PREX2: variants seen among roughly 807,000 people sequenced by gnomAD.
PREX2 encodes the protein phosphatidylinositol 3,4,5-trisphosphate-dependent Rac exchanger 2 protein.
Under a neutral mutation model 203.2 loss-of-function variants are expected in PREX2, and 107 were observed. The observed-to-expected ratio is 0.53, with a 90% confidence interval of 0.45 to 0.62. PREX2 has a LOEUF of 0.62. Among genes scored for constraint, PREX2 ranks in the 20% least tolerant of loss-of-function variants. The pLI, the probability that PREX2 is intolerant of heterozygous loss-of-function variation, is 0.00. For missense variants in PREX2, 1,777 were observed against 1,955.9 expected, an observed-to-expected ratio of 0.91 and a Z score of 1.72; for synonymous variants, 672 against 663.6, an observed-to-expected ratio of 1.01 and a Z score of -0.19.
intron 8 of PREX2, among the ~76,000 whole-genome samples, chr8:68,045,032 A>G (rs1480866211): frequency 6.6e-6 from 1 of 152,128 alleles, no homozygotes; most frequent in African/African-American, 2.4e-5. Flanking sequence ...ACAGGTTGTC[A>G]ATTTTCTTGT....
chr8:68,020,421 A>G (rs1291691895), intron 3 of PREX2, among the ~76,000 whole-genome samples: 1 of 151,588 alleles, frequency 6.6e-6, no homozygotes, highest in African/African-American at 2.4e-5. Context: ...CCATGTATTT[A>G]TCAAAATGCT....
intron 1 of PREX2, among the ~76,000 whole-genome samples, chr8:67,976,616 AGACAGAGAGAGAGAGACGG>A (rs1806107272): frequency 8.0e-6 from 1 of 124,948 alleles, no homozygotes; most frequent in Non-Finnish European, 1.7e-5. Flanking sequence ...AGAGAGACAG[AGACAGAGAGAGAGAGACGG>A]GAGAGAGACA....
In PREX2 at chr8:68,109,264, C is replaced by T. The variant is rs768970674; in HGVS notation, c.2939-152C>T. ...GTTAATTACCTAGATTTAGTCATTG[C>T]ATAATGCATATATACGTCAAAACAT... is the stretch of plus-strand genomic sequence containing the variant. On this transcript the variant is annotated intron_variant, in intron 24 of 39. Transcript: ENST00000288368. 4.1e-5 allele frequency: 25 copies of T among 615,482 alleles called. No homozygotes were observed. The Middle Eastern group carries it at 1.7e-3, about 42-fold the overall frequency. The allele number at this position is 615,482 out of a possible 1,614,324, so 38.1% of individuals were successfully genotyped here. A position where few individuals can be genotyped will look rare whatever the true frequency, so the allele number is the denominator to read the frequency against.
chr8:68,204,206 G>C (rs1812564189), intron 37 of PREX2, among the ~76,000 whole-genome samples: 1 of 152,084 alleles, frequency 6.6e-6, no homozygotes, highest in South Asian at 2.1e-4. Context: ...ACTTCTCCAA[G>C]TGCCTAAATG....
rs71554623 is a variant in PREX2, at chr8:68,164,886, CT to C, written c.4346+7467del. 4.3e-3 allele frequency among the ~76,000 whole-genome samples: 569 copies of C among 133,738 alleles called. 4 individuals carry two copies. The highest frequency in any genetic ancestry group is 0.013 in the African/African-American group (450 of 35,228). 87.7% of individuals were successfully genotyped at this position (133,738 alleles called of 152,430 possible). A position where few individuals can be genotyped will look rare whatever the true frequency, so the allele number is the denominator to read the frequency against. ...TGTGAGCCACTGAGCCCGGCCAAAC[CT>C]TTTTTTTTTTTTTTTTACCAAAGGC... On this transcript the variant is annotated intron_variant, in intron 35 of 39. Coordinates refer to ENST00000288368, the MANE Select transcript of PREX2 (RefSeq NM_024870.4).
rs78360061 is a variant in PREX2 at position 68,034,638 on chromosome 8, T to C, written c.706-3521T>C. ...GAAAGTAAAGAGACACAGAAAGAAATTGGACATTTCTTTACTACCTTTTTA... is the reference window on the plus strand; with the variant it reads ...GAAAGTAAAGAGACACAGAAAGAAACTGGACATTTCTTTACTACCTTTTTA... On this transcript the variant is annotated intron_variant, in intron 6 of 39. Coordinates refer to ENST00000288368, the MANE Select transcript of PREX2 (RefSeq NM_024870.4). 2.0e-3 allele frequency among the ~76,000 whole-genome samples: 298 copies of C among 152,156 alleles called. 9 individuals carry two copies. In the East Asian group the frequency reaches 0.053, roughly 27 times the overall value.
At position 67,974,439 on chromosome 8, in the gene PREX2, A is replaced by T. The variant is rs9886629; in HGVS notation, c.141+21904A>T. Among the ~76,000 whole-genome samples the T allele has an allele frequency of 8.5e-5, 13 of 152,248 alleles. No individual in the cohort carries two copies. The East Asian group carries it at 1.7e-3, about 20-fold the overall frequency. On this transcript the variant is annotated intron_variant, in intron 1 of 39. Transcript: ENST00000288368. ...TGAACATTCTTCATGTTCTGAAAAT[A>T]TATTTTAATAGGTATTATATATTAT...
chr8:68,152,294 A>AAAAAAAC (rs1333213361), intron 34 of PREX2, among the ~76,000 whole-genome samples: 3 of 141,988 alleles, frequency 2.1e-5, no homozygotes, highest in Admixed American at 1.4e-4. Context: ...TCAGAGAAAA[A>AAAAAAAC]AAAAAAAAAA....
chr8:68,148,598 T>A (rs188035349), intron 34 of PREX2, among the ~76,000 whole-genome samples: 102 of 152,374 alleles, frequency 6.7e-4, no homozygotes, highest in African/African-American at 2.4e-3. Flanking sequence ...AAAAGCCAAT[T>A]TAAAAATAAT....
chr8:68,231,122 A>T (rs1262977976), intron 39 of PREX2, among the ~76,000 whole-genome samples: 1 of 152,194 alleles, frequency 6.6e-6, no homozygotes, highest in Non-Finnish European at 1.5e-5. Flanking sequence ...CACAGCCATC[A>T]AGCTATGCAG....
intron 6 of PREX2, among the ~76,000 whole-genome samples, chr8:68,032,995 A>G (rs940373516): frequency 2.6e-5 from 4 of 152,176 alleles, no homozygotes; most frequent in Non-Finnish European, 4.4e-5. Flanking sequence ...ATTTGATGGA[A>G]TCCAAGTCTG....
chr8:68,143,051 G>A (rs1563563669), intron 33 of PREX2, among the ~76,000 whole-genome samples: 1 of 152,102 alleles, frequency 6.6e-6, no homozygotes, highest in Non-Finnish European at 1.5e-5. Context: ...AATGATAAGA[G>A]CATCATTTCA....
At chr8:68,100,027 G>A (rs755971952) in intron 23 of PREX2, 184 bp downstream of exon 23, 9 of 724,980 alleles carry the variant, frequency 1.2e-5, no homozygotes, top group Non-Finnish European at 2.3e-5. Flanking sequence ...TTTGATCTTT[G>A]CAAACTTGTA....
intron 11 of PREX2, among the ~76,000 whole-genome samples, chr8:68,067,853 A>G (rs1326342053): frequency 6.6e-6 from 1 of 152,092 alleles, no homozygotes; most frequent in Non-Finnish European, 1.5e-5. Flanking sequence ...TGGGCTTGTC[A>G]TATATGATCT....
chr8:67,996,197 T>A (rs929553255), intron 1 of PREX2, among the ~76,000 whole-genome samples: 3 of 152,064 alleles, frequency 2.0e-5, no homozygotes, highest in Admixed American at 6.6e-5. Flanking sequence ...AGTATTAATT[T>A]TTTATTTATT....
rs1380899639 is a variant in PREX2 at position 67,956,186 on chromosome 8, T to C, written c.141+3651T>C. Among the ~76,000 whole-genome samples the C allele has an allele frequency of 5.3e-5, 8 of 152,242 alleles. No individual in the cohort carries two copies. The East Asian group carries it at 1.3e-3, about 26-fold the overall frequency. ...TTTTCAAACATTTCTTCTAAATAAA[T>C]GATTACATGAACCTGACATCCAGTA... On this transcript the variant is annotated intron_variant, in intron 1 of 39. Coordinates refer to ENST00000288368, the MANE Select transcript of PREX2 (RefSeq NM_024870.4).
At chr8:68,068,308 G>A (rs1347395928) in intron 11 of PREX2, among the ~76,000 whole-genome samples, 1 of 151,970 alleles carries the variant, frequency 6.6e-6, no homozygotes, top group African/African-American at 2.4e-5. Context: ...ATCAGTGAAG[G>A]CATCAGGTCC....
At chr8:68,115,189 G>A (rs1016317640) in intron 25 of PREX2, among the ~76,000 whole-genome samples, 8 of 151,764 alleles carry the variant, frequency 5.3e-5, no homozygotes, top group Non-Finnish European at 8.8e-5. Context: ...CACCACGCCC[G>A]GCTAATTTTG....
chr8:68,106,004 T>C (rs1036650558), intron 23 of PREX2: 4 of 190,772 alleles, frequency 2.1e-5, no homozygotes, highest in Non-Finnish European at 4.3e-5. Flanking sequence ...TTGTTGTATA[T>C]AGCAATACTA....
Sources: gnomAD v4.1 joint callset for allele counts (sites outside exome capture counted in the v4.1 genomes callset) on GRCh38, gnomAD v4.1.1 for gene constraint, MANE v1.5 for transcripts, NCBI Gene and HGNC (gene_info 2026-07-23, HGNC 2026-07-21) for gene names.